The following MAPK14 variants were observed in gnomAD, a reference collection of about 807,000 sequenced individuals.
MAPK14 encodes the protein mitogen-activated protein kinase 14.
A neutral mutation model predicts 49.6 loss-of-function variants in MAPK14; 16 were observed. The observed-to-expected ratio is 0.32, with a 90% CI of 0.22 to 0.49. MAPK14 has a LOEUF of 0.49. Ranked by LOEUF, MAPK14 falls within the 20% of genes least tolerant of loss-of-function variation. MAPK14 has a pLI of 0.99. For synonymous variants in MAPK14, 142 were observed against 158.0 expected (o/e 0.90, Z 0.76); for missense variants, 200 against 441.2 (o/e 0.45, Z 4.90).
At chr6:36,056,535 C>G (rs1485045253) in intron 2 of MAPK14, among the ~76,000 whole-genome samples, 5 of 152,204 alleles carry the variant, frequency 3.3e-5, no homozygotes, top group Non-Finnish European at 7.3e-5. Context: ...AAATCACAAA[C>G]TGATACTGGG....
At chr6:36,029,019 G>A (rs1762429383) in intron 1 of MAPK14, 1 of 151,960 alleles carries the variant, frequency 6.6e-6, no homozygotes, top group African/African-American at 2.4e-5. Context: ...TGCAGCTTGA[G>A]AAACTGGCAG....
chr6:36,098,765 A>G (rs984672362), intron 9 of MAPK14, among the ~76,000 whole-genome samples: 5 of 152,180 alleles, frequency 3.3e-5, no homozygotes, highest in African/African-American at 1.2e-4. Flanking sequence ...GTATTCTGCT[A>G]TTGCTGGTTT....
intron 8 of MAPK14, among the ~76,000 whole-genome samples, chr6:36,078,290 A>G (rs1183825688): frequency 6.6e-6 from 1 of 152,226 alleles, no homozygotes; most frequent in Admixed American, 6.5e-5. Flanking sequence ...TACTGAGACG[A>G]GCCTGCCAGT....
At chr6:36,033,831 A>G (rs1762637849) in intron 1 of MAPK14, among the ~76,000 whole-genome samples, 1 of 152,194 alleles carries the variant, frequency 6.6e-6, no homozygotes, top group Non-Finnish European at 1.5e-5. Flanking sequence ...ACTGGGGTAG[A>G]TCACCCTCAC....
chr6:36,102,529 CATT>C, intron 9 of MAPK14, 39 bp from the exon 10 acceptor site: 3 of 1,449,470 alleles, frequency 2.1e-6, no homozygotes, highest in Non-Finnish European at 2.9e-6. Context: ...AGAGCAGTAA[CATT>C]ATTGAACAAA....
intron 2 of MAPK14, among the ~76,000 whole-genome samples, chr6:36,057,349 T>C (rs936908237): frequency 4.6e-5 from 7 of 152,214 alleles, no homozygotes; most frequent in Non-Finnish European, 7.3e-5. Context: ...AAAGGAAATA[T>C]ATCTCAAAAT....
intron 8 of MAPK14, 102 bp from the exon 9 acceptor site, chr6:36,095,885 T>G: frequency 1.4e-6 from 1 of 713,354 alleles, no homozygotes; most frequent in East Asian, 2.6e-5. Flanking sequence ...TGTTTCATTT[T>G]TGTTCTCGGT....
At chr6:36,119,831 C>T in the MAPK14 span, among the ~76,000 whole-genome samples, 77 of 152,252 alleles carry the variant, frequency 5.1e-4, no homozygotes, top group African/African-American at 1.7e-3. Flanking sequence ...GAAACAGAGA[C>T]GACTCAACAT....
intron 3 of MAPK14, among the ~76,000 whole-genome samples, chr6:36,068,856 G>C (rs1764162929): frequency 6.6e-6 from 1 of 152,126 alleles, no homozygotes; most frequent in Admixed American, 6.5e-5. Context: ...CCTTCTTGCT[G>C]TCACAGTACA....
chr6:36,059,354 A>G lies in MAPK14; in HGVS notation c.305+7A>G, dbSNP rs1268002697. The G allele has an allele frequency of 2.5e-6, 4 of 1,608,408 alleles. No homozygotes were observed. The highest frequency in any genetic ancestry group is 3.4e-6 in the Non-Finnish European group (4 of 1,175,180). ...TGGAGGAATTCAATGATGTGTGAGT[A>G]AATTTTTTGCATTTGCCTTCCTGGT... is the stretch of plus-strand genomic sequence containing the variant. On this transcript the variant is annotated splice_region_variant and intron_variant, in intron 3 of 11. Coordinates refer to ENST00000229794, the MANE Select transcript of MAPK14 (RefSeq NM_139012.3).
intron 3 of MAPK14, among the ~76,000 whole-genome samples, chr6:36,065,706 G>C (rs931227470): frequency 2.0e-5 from 3 of 151,908 alleles, no homozygotes; most frequent in Admixed American, 1.3e-4. Flanking sequence ...AAGGATGAAA[G>C]GTTTTACTTT....
chr6:36,118,960 C>G, the MAPK14 span, among the ~76,000 whole-genome samples: 1 of 152,198 alleles, frequency 6.6e-6, no homozygotes, highest in Non-Finnish European at 1.5e-5. Flanking sequence ...TTACCAGGGT[C>G]AAAGCACTTA....
Position 36,044,253 on chromosome 6 carries a change from A to G in MAPK14, c.117-8446A>G, listed in dbSNP as rs916553935. 7.2e-5 allele frequency among the ~76,000 whole-genome samples: 11 copies of G among 152,222 alleles called. 1 individual carries two copies. The East Asian group carries it at 1.7e-3, about 24-fold the overall frequency. On this transcript the variant is annotated intron_variant, in intron 1 of 11. Transcript: ENST00000229794. ...GTGTTTATCTTCTTAGAAGTCATCT[A>G]TGACCATTGAAAGAAATTGTAAAAT...
chr6:36,064,706 C>T (rs1393009644), intron 3 of MAPK14, among the ~76,000 whole-genome samples: 2 of 152,218 alleles, frequency 1.3e-5, no homozygotes, highest in Non-Finnish European at 2.9e-5. Flanking sequence ...TCTGGATTTA[C>T]ATTTTAACCT....
At chr6:36,096,362 A>G (rs1765446175) in intron 9 of MAPK14, 1 of 284,946 alleles carries the variant, frequency 3.5e-6, no homozygotes, top group Non-Finnish European at 6.6e-6. Flanking sequence ...AATTCATTCC[A>G]AGAGATTAAT....
At chr6:36,095,734 A>G (rs1765419675) in intron 8 of MAPK14, among the ~76,000 whole-genome samples, 1 of 152,206 alleles carries the variant, frequency 6.6e-6, no homozygotes, top group Admixed American at 6.5e-5. Context: ...TGCTGTTGAC[A>G]GATGCATAAA....
At chr6:36,054,002 A>ATTTTTTTTTTTTTTTTTTTT in intron 2 of MAPK14, among the ~76,000 whole-genome samples, 1 of 152,100 alleles carries the variant, frequency 6.6e-6, no homozygotes, top group Admixed American at 6.5e-5. Context: ...TGCAAACCAG[A>ATTTTTTTTTTTTTTTTTTTT]GTTTTAAGAA....
chr6:36,118,480 G>T, the MAPK14 span, among the ~76,000 whole-genome samples: 1 of 152,118 alleles, frequency 6.6e-6, no homozygotes, highest in Non-Finnish European at 1.5e-5. Context: ...GCCATTTCTG[G>T]GCCGGTGCAC....
chr6:36,114,506 T>C (rs1766026758), downstream of MAPK14, among the ~76,000 whole-genome samples: 1 of 151,674 alleles, frequency 6.6e-6, no homozygotes, highest in South Asian at 2.1e-4. Flanking sequence ...TAATCCCAGC[T>C]ACTTGGGAGG....
Sources: gnomAD v4.1 joint callset for allele counts (sites outside exome capture counted in the v4.1 genomes callset) on GRCh38, gnomAD v4.1.1 for gene constraint, MANE v1.5 for transcripts, NCBI Gene and HGNC (gene_info 2026-07-23, HGNC 2026-07-21) for gene names.